Variants in GRIK4 observed in about 807,000 individuals in gnomAD.
GRIK4 encodes the protein glutamate ionotropic receptor kainate type subunit 4, also known as glutamate receptor ionotropic, kainate 4.
Under a neutral mutation model 104.9 loss-of-function variants are expected in GRIK4, and 40 were observed. That is an observed-to-expected ratio of 0.38 (90% CI 0.30 to 0.50). The LOEUF is 0.50. Ranked by LOEUF, GRIK4 falls within the 20% of genes least tolerant of loss-of-function variation. GRIK4 has a pLI of 0.93. For missense variants in GRIK4, 1,047 were observed against 1,308.1 expected (o/e 0.80, Z 3.08); for synonymous variants, 485 against 524.9 (o/e 0.92, Z 1.04).
chr11:120,643,696 G>A (rs537162778), intron 1 of GRIK4, among the ~76,000 whole-genome samples: 2 of 152,068 alleles, frequency 1.3e-5, no homozygotes, highest in Admixed American at 6.6e-5. Context: ...CTGAGTTTCC[G>A]GCTCTTCATC....
intron 3 of GRIK4, among the ~76,000 whole-genome samples, chr11:120,664,042 C>T (rs1275979945): frequency 6.6e-6 from 1 of 152,198 alleles, no homozygotes; most frequent in Non-Finnish European, 1.5e-5. Context: ...AACAGAAGGG[C>T]CCAACACATG....
chr11:120,629,510 C>T (rs1323929039), intron 1 of GRIK4, among the ~76,000 whole-genome samples: 1 of 152,132 alleles, frequency 6.6e-6, no homozygotes, highest in African/African-American at 2.4e-5. Flanking sequence ...CTCCTGCCCT[C>T]CGTGCCTTGA....
intron 19 of GRIK4, among the ~76,000 whole-genome samples, chr11:120,980,952 G>A (rs1253852797): frequency 6.6e-6 from 1 of 152,192 alleles, no homozygotes; most frequent in Admixed American, 6.5e-5. Flanking sequence ...AGGTGCAGAA[G>A]GTAGCGTCGA....
intron 11 of GRIK4, among the ~76,000 whole-genome samples, chr11:120,891,936 C>A (rs1444749385): frequency 6.6e-6 from 1 of 152,164 alleles, no homozygotes; most frequent in South Asian, 2.1e-4. Context: ...GGTCACATGG[C>A]TCTGAGCAAA....
chr11:120,717,047 A>G (rs1189057338), intron 3 of GRIK4, among the ~76,000 whole-genome samples: 1 of 152,174 alleles, frequency 6.6e-6, no homozygotes, highest in Admixed American at 6.5e-5. Context: ...AGGGGAAAGG[A>G]TGCTGCGGCG....
chr11:120,572,429 T>C (rs1948413209), intron 1 of GRIK4, among the ~76,000 whole-genome samples: 1 of 152,140 alleles, frequency 6.6e-6, no homozygotes, highest in African/African-American at 2.4e-5. Flanking sequence ...AGGTGGGAAC[T>C]CACCTGAAGT....
At chr11:120,540,880 G>A (rs563591219) in intron 1 of GRIK4, among the ~76,000 whole-genome samples, 20 of 152,300 alleles carry the variant, frequency 1.3e-4, no homozygotes, top group African/African-American at 4.8e-4. Flanking sequence ...GGGAAGCTGA[G>A]GTGGGAGGAT....
At chr11:120,815,748 TTGG>T (rs1411857136) in intron 5 of GRIK4, among the ~76,000 whole-genome samples, 7 of 152,038 alleles carry the variant, frequency 4.6e-5, no homozygotes, top group Non-Finnish European at 5.9e-5. Flanking sequence ...CAGCGGCCTC[TTGG>T]TGGTGGTGGG....
chr11:120,810,773 G>A (rs753300309), intron 4 of GRIK4, among the ~76,000 whole-genome samples: 3 of 152,122 alleles, frequency 2.0e-5, no homozygotes, highest in Non-Finnish European at 4.4e-5. Context: ...ATAGCATCGA[G>A]CCTAATTACT....
At chr11:120,864,087 G>A (rs1221395017) in intron 9 of GRIK4, among the ~76,000 whole-genome samples, 1 of 152,102 alleles carries the variant, frequency 6.6e-6, no homozygotes, top group Non-Finnish European at 1.5e-5. Flanking sequence ...GGGACAGAGA[G>A]GGACATCTCA....
chr11:120,819,733 C>A lies in GRIK4; in HGVS notation c.346-22C>A. On this transcript the variant is annotated intron_variant, in intron 5 of 20. Coordinates refer to ENST00000527524, the MANE Select transcript of GRIK4 (RefSeq NM_014619.5). This position sits in a 1 kb window ranked among gnomAD's most constrained non-coding sequence, Gnocchi z 4.3. ...CACCCACCTGGATCCTCCCTGCTGTCCGTTTTTGCTCCTCTTGCCAGGTCC... is the reference window on the plus strand; with the variant it reads ...CACCCACCTGGATCCTCCCTGCTGTACGTTTTTGCTCCTCTTGCCAGGTCC... 1 of 1,613,150 alleles carries A rather than the reference C, an allele frequency of 6.2e-7. No homozygotes were observed. The highest frequency in any genetic ancestry group is 8.5e-7 in the Non-Finnish European group (1 of 1,179,140).
At chr11:120,921,847 T>C (rs1241350082) in intron 13 of GRIK4, among the ~76,000 whole-genome samples, 2 of 152,322 alleles carry the variant, frequency 1.3e-5, no homozygotes, top group South Asian at 2.1e-4. Context: ...TTCTTTAAGC[T>C]TTAAACCTAA....
At chr11:120,557,959 A>G (rs1484805916) in intron 1 of GRIK4, among the ~76,000 whole-genome samples, 1 of 141,748 alleles carries the variant, frequency 7.1e-6, no homozygotes, top group Non-Finnish European at 1.5e-5. Context: ...CGGAGCTTGC[A>G]GTGAGCCGAG....
At chr11:120,936,287 A>G (rs1046329781) in intron 13 of GRIK4, 10 of 512,862 alleles carry the variant, frequency 1.9e-5, no homozygotes, top group South Asian at 1.3e-4. Flanking sequence ...CCTTTGCAAC[A>G]TCACCAATGG....
At chr11:120,833,207 A>C (rs11218019) in intron 7 of GRIK4, among the ~76,000 whole-genome samples, 21,761 of 151,888 alleles carry the variant, frequency 0.14, 2,237 homozygotes, top group East Asian at 0.33. Context: ...AATCTTCCAG[A>C]GCTCCAAAGC....
chr11:120,550,635 C>T, intron 1 of GRIK4, among the ~76,000 whole-genome samples: 1 of 151,610 alleles, frequency 6.6e-6, no homozygotes, highest in Non-Finnish European at 1.5e-5. Flanking sequence ...GGAGGAGTGG[C>T]CAGGGAGGAG....
At chr11:120,981,714 T>C (rs1035736325) in intron 19 of GRIK4, among the ~76,000 whole-genome samples, 2 of 152,216 alleles carry the variant, frequency 1.3e-5, no homozygotes, top group African/African-American at 4.8e-5. Context: ...GTTAGGAAGA[T>C]TGAGTAAAAC....
chr11:120,933,858 G>T (rs1943533036), intron 13 of GRIK4, among the ~76,000 whole-genome samples: 1 of 152,092 alleles, frequency 6.6e-6, no homozygotes, highest in Admixed American at 6.5e-5. Context: ...CATTAGCATG[G>T]CTGTATGTAA....
At chr11:120,578,054 G>C (rs1384331540) in intron 1 of GRIK4, among the ~76,000 whole-genome samples, 2 of 152,322 alleles carry the variant, frequency 1.3e-5, no homozygotes, top group Middle Eastern at 3.4e-3. Context: ...TGGCAATTGT[G>C]TGTCTGTGTG....
Sources: gnomAD v4.1 joint callset for allele counts (sites outside exome capture counted in the v4.1 genomes callset) on GRCh38, gnomAD v4.1.1 for gene constraint, Gnocchi (gnomAD v3.1) non-coding constraint, MANE v1.5 for transcripts, NCBI Gene and HGNC (gene_info 2026-07-23, HGNC 2026-07-21) for gene names.